DPH6: variants seen among roughly 807,000 people sequenced by gnomAD.
DPH6 encodes the protein diphthine--ammonia ligase.
In DPH6, 33 loss-of-function variants were observed where a neutral mutation model predicts 38.2. That is an observed-to-expected ratio of 0.86 (90% confidence interval 0.65 to 1.15). DPH6 has a LOEUF of 1.15. Ranked by LOEUF, DPH6 falls within the 50% of genes most tolerant of loss-of-function variation. The pLI is 0.00. For missense variants in DPH6, 325 were observed against 320.0 expected (o/e 1.02, Z -0.12); for synonymous variants, 108 against 103.0 (o/e 1.05, Z -0.30).
chr15:35,536,392 C>G (rs1167455688), intron 3 of DPH6, among the ~76,000 whole-genome samples: 1 of 151,960 alleles, frequency 6.6e-6, no homozygotes, highest in African/African-American at 2.4e-5. Flanking sequence ...TATCTTTCAA[C>G]TATAATTATC....
intron 4 of DPH6, among the ~76,000 whole-genome samples, chr15:35,451,621 A>G (rs1467486216): frequency 6.6e-6 from 1 of 152,158 alleles, no homozygotes; most frequent in Non-Finnish European, 1.5e-5. Context: ...TTGAGCCACC[A>G]TTCTCTCTCA....
At chr15:35,342,025 C>T (rs1419314892) in intron 3 of DPH6, among the ~76,000 whole-genome samples, 2 of 152,204 alleles carry the variant, frequency 1.3e-5, no homozygotes, top group African/African-American at 4.8e-5. Context: ...AACTCGGTCC[C>T]ATCTCAGGCA....
intron 6 of DPH6, among the ~76,000 whole-genome samples, chr15:35,396,620 T>C (rs553428829): frequency 3.3e-5 from 5 of 152,204 alleles, no homozygotes; most frequent in African/African-American, 1.2e-4. Flanking sequence ...TTTTTTTCCT[T>C]GAAATTCTGT....
intron 3 of DPH6, among the ~76,000 whole-genome samples, chr15:35,534,391 AAAAAG>A (rs1469924420): frequency 1.2e-4 from 18 of 151,452 alleles, no homozygotes; most frequent in African/African-American, 4.1e-4. Context: ...AAAAAAAAAA[AAAAAG>A]AAAAGAAAAC....
intron 3 of DPH6, among the ~76,000 whole-genome samples, chr15:35,473,965 C>T (rs867521880): frequency 3.2e-4 from 47 of 145,882 alleles, no homozygotes; most frequent in African/African-American, 8.5e-4. Flanking sequence ...TGTGCGCGCG[C>T]GCGCGTGAGC....
rs185902426 is a variant in DPH6 at position 35,453,122 on chromosome 15, T to A, written c.386+1625A>T. 4.2e-3 allele frequency among the ~76,000 whole-genome samples: 635 copies of A among 152,314 alleles called. 10 individuals are homozygous for A. Among genetic ancestry groups the A allele is most frequent in the African/African-American group, 0.015 (605 of 41,580 alleles). Reference sequence around the variant, plus strand: ...ATTCAAAATTGAGTTTGTGGACCAATGGACTCCCAGTAACATTACTTTTGA... The same window carrying A: ...ATTCAAAATTGAGTTTGTGGACCAAAGGACTCCCAGTAACATTACTTTTGA... On this transcript the variant is annotated intron_variant, in intron 4 of 8. Coordinates refer to ENST00000256538, the MANE Select transcript of DPH6 (RefSeq NM_080650.4).
chr15:35,339,382 T>A (rs1304160609), intron 3 of DPH6, among the ~76,000 whole-genome samples: 1 of 151,914 alleles, frequency 6.6e-6, no homozygotes, highest in African/African-American at 2.4e-5. Context: ...CGGAGTGCAG[T>A]GGCGTGATCT....
downstream of DPH6, among the ~76,000 whole-genome samples, chr15:35,330,372 A>G (rs2052318238): frequency 6.6e-6 from 1 of 152,224 alleles, no homozygotes; most frequent in African/African-American, 2.4e-5. Context: ...TTTTAAATGA[A>G]GAAAGATGCA....
intron 5 of DPH6, among the ~76,000 whole-genome samples, chr15:35,445,586 G>A (rs894746185): frequency 6.6e-6 from 1 of 150,990 alleles, no homozygotes; most frequent in African/African-American, 2.4e-5. Context: ...TTAAGAGAAA[G>A]GTATGTCATG....
intron 3 of DPH6, among the ~76,000 whole-genome samples, chr15:35,313,951 C>T (rs1024030375): frequency 1.3e-5 from 2 of 152,068 alleles, no homozygotes; most frequent in African/African-American, 4.8e-5. Flanking sequence ...CCAATGGGAT[C>T]ATGTCAAGCT....
At position 35,365,130 on chromosome 15, in the gene DPH6, A is replaced by G. The variant is rs533320031; in HGVS notation, n.207+8391T>C. 2.0e-5 allele frequency among the ~76,000 whole-genome samples: 3 copies of G among 152,170 alleles called. No homozygotes were observed. The South Asian group carries it at 6.2e-4, about 32-fold the overall frequency. ...AACATCTGCCAATGTGACCAAAAGG[A>G]CTGGTAATATGACCCTCAACCTGGG... On this transcript the variant is annotated intron_variant and non_coding_transcript_variant, in intron 3 of 3. Transcript: ENST00000558973.
chr15:35,495,693 G>A (rs559934968), intron 3 of DPH6, among the ~76,000 whole-genome samples: 8 of 151,958 alleles, frequency 5.3e-5, no homozygotes, highest in African/African-American at 9.7e-5. Flanking sequence ...GTATAATCCC[G>A]CTCAAAATCC....
intron 3 of DPH6, among the ~76,000 whole-genome samples, chr15:35,517,286 T>C (rs942379997): frequency 6.6e-6 from 1 of 152,146 alleles, no homozygotes; most frequent in African/African-American, 2.4e-5. Context: ...CTTGCTTCTT[T>C]GTACAGTCTT....
chr15:35,464,189 G>C (rs932602686), intron 3 of DPH6, among the ~76,000 whole-genome samples: 1 of 152,000 alleles, frequency 6.6e-6, no homozygotes, highest in East Asian at 1.9e-4. Flanking sequence ...AGCTACTTGG[G>C]AGGCTGAGGC....
chr15:35,436,503 A>C (rs1229654168), intron 5 of DPH6, among the ~76,000 whole-genome samples: 2 of 79,920 alleles, frequency 2.5e-5, no homozygotes, highest in African/African-American at 1.1e-4. Flanking sequence ...ACAAAACAAA[A>C]CAAAACAAAA....
At chr15:35,438,084 G>A (rs564249979) in intron 5 of DPH6, among the ~76,000 whole-genome samples, 2 of 152,230 alleles carry the variant, frequency 1.3e-5, no homozygotes, top group Non-Finnish European at 1.5e-5. Context: ...CATAAACAGC[G>A]CTGAGCTAAA....
downstream of DPH6, among the ~76,000 whole-genome samples, chr15:35,367,074 G>A (rs1247795300): frequency 6.6e-6 from 1 of 151,820 alleles, no homozygotes; most frequent in Non-Finnish European, 1.5e-5. Flanking sequence ...CTGTAAGACT[G>A]ATGATGTTTT....
At chr15:35,165,669 A>G in the DPH6 span, among the ~76,000 whole-genome samples, 3 of 151,920 alleles carry the variant, frequency 2.0e-5, no homozygotes, top group East Asian at 1.9e-4. Flanking sequence ...GCTGAGCCCA[A>G]AAGTTATTTC....
At chr15:35,527,998 C>G (rs1216313640) in intron 3 of DPH6, among the ~76,000 whole-genome samples, 2 of 152,052 alleles carry the variant, frequency 1.3e-5, no homozygotes, top group African/African-American at 4.8e-5. Context: ...GGTCTAAAGC[C>G]AGGTTCAATC....
Sources: gnomAD v4.1 joint callset for allele counts (sites outside exome capture counted in the v4.1 genomes callset) on GRCh38, gnomAD v4.1.1 for gene constraint, MANE v1.5 for transcripts, NCBI Gene and HGNC (gene_info 2026-07-23, HGNC 2026-07-21) for gene names.